Variants in TOGARAM1 observed in about 807,000 individuals in gnomAD.
TOGARAM1 encodes the protein TOG array regulator of axonemal microtubules 1.
In TOGARAM1, 100 loss-of-function variants were observed where a neutral mutation model predicts 166.6. That is an observed-to-expected ratio of 0.60 (90% CI 0.51 to 0.71). TOGARAM1 has a LOEUF of 0.71. Ranked by LOEUF, TOGARAM1 falls within the 30% of genes least tolerant of loss-of-function variation. The pLI is 0.00. For synonymous variants in TOGARAM1, 758 were observed against 763.8 expected, an observed-to-expected ratio of 0.99 and a Z score of 0.13; for missense variants, 2,029 against 2,102.7, an observed-to-expected ratio of 0.96 and a Z score of 0.69.
intron 3 of TOGARAM1, 148 bp downstream of exon 3, chr14:44,999,645 T>C (rs1236606218): frequency 4.7e-6 from 3 of 640,416 alleles, no homozygotes; most frequent in Non-Finnish European, 2.4e-6. Flanking sequence ...TTTTCATAAT[T>C]GTTACCCTAA....
At chr14:44,969,671 A>G (rs1425560064) in intron 1 of TOGARAM1, among the ~76,000 whole-genome samples, 1 of 152,180 alleles carries the variant, frequency 6.6e-6, no homozygotes, top group African/African-American at 2.4e-5. Flanking sequence ...TAGGCATTTT[A>G]TAGTTTTACA....
intron 13 of TOGARAM1, among the ~76,000 whole-genome samples, chr14:45,045,680 T>TACATATATAC (rs1327290758): frequency 7.2e-5 from 7 of 97,586 alleles, no homozygotes; most frequent in African/African-American, 4.7e-4. Context: ...TGTATATATA[T>TACATATATAC]ACACATATAT....
chr14:44,985,871 A>T (rs998144264), intron 1 of TOGARAM1, among the ~76,000 whole-genome samples: 4 of 152,244 alleles, frequency 2.6e-5, no homozygotes, highest in Non-Finnish European at 5.9e-5. Flanking sequence ...TCTTAATTAG[A>T]AATTGTTCAG....
chr14:45,072,325 G>A (rs370129993), intron 19 of TOGARAM1, among the ~76,000 whole-genome samples: 3 of 152,110 alleles, frequency 2.0e-5, no homozygotes, highest in Admixed American at 6.5e-5. Flanking sequence ...GTCTCAGGCC[G>A]GACTGGGTTG....
At chr14:45,011,118 C>T (rs1279973278) in intron 6 of TOGARAM1, among the ~76,000 whole-genome samples, 1 of 152,022 alleles carries the variant, frequency 6.6e-6, no homozygotes, top group Non-Finnish European at 1.5e-5. Flanking sequence ...AGTTGGCTTT[C>T]TTAATGAAAA....
chr14:44,976,252 A>G lies in TOGARAM1; in HGVS notation c.2046+11785A>G, dbSNP rs536073158. Among the ~76,000 whole-genome samples, 81 of 152,258 alleles carry G rather than the reference A, an allele frequency of 5.3e-4. No homozygotes were observed. In the South Asian group the frequency reaches 5.8e-3, roughly 11 times the overall value. On this transcript the variant is annotated intron_variant, in intron 1 of 19. Transcript: ENST00000361462. ...ATTGCCCTATCCTTATTCGTTGCCT[A>G]TCTACATTTAACCTATTGATTTTCT...
Position 45,027,413 on chromosome 14 carries a change from T to C in TOGARAM1, c.3443T>C (p.Ile1148Thr), listed in dbSNP as rs773546423. Residue 1148 changes from isoleucine (I) to threonine (T), a missense_variant, in exon 9 of 20, where the codon ATT (isoleucine) becomes ACT (threonine). By Grantham distance (89) the Ile-to-Thr change is moderately conservative. Around this residue, in one of 2 missense-constraint regions of TOGARAM1, gnomAD observed 1,453 missense variants for 1,432.2 expected, o/e 1.01. Transcript: ENST00000361462. ...CAAAGTATTGAACCACCATCAGGGATTTATGGAAGATCAGTCCAGCAAAAT... is the reference window on the plus strand; with the variant it reads ...CAAAGTATTGAACCACCATCAGGGACTTATGGAAGATCAGTCCAGCAAAAT... The part of the protein sequence containing the change: ...IKQSIEPPSG[I>T]YGRSVQQNIS... 1 of 1,613,610 alleles carries C rather than the reference T, an allele frequency of 6.2e-7. No individual in the cohort carries two copies. Among genetic ancestry groups the C allele is most frequent in the East Asian group, 2.2e-5 (1 of 44,822 alleles).
chr14:44,966,958 A>G (rs1885584317), intron 1 of TOGARAM1, among the ~76,000 whole-genome samples: 1 of 152,188 alleles, frequency 6.6e-6, no homozygotes, highest in South Asian at 2.1e-4. Context: ...CCAGACTCAA[A>G]AACAAAATAA....
intron 19 of TOGARAM1, among the ~76,000 whole-genome samples, chr14:45,072,676 C>T (rs1023422074): frequency 3.3e-5 from 5 of 152,070 alleles, no homozygotes; most frequent in Admixed American, 2.0e-4. Flanking sequence ...CCACCCACCT[C>T]GGCCTCTCAA....
At chr14:44,993,794 C>T (rs1288715231) in intron 1 of TOGARAM1, among the ~76,000 whole-genome samples, 1 of 152,172 alleles carries the variant, frequency 6.6e-6, no homozygotes, top group African/African-American at 2.4e-5. Flanking sequence ...CACACACCAC[C>T]ACCCTCATCA....
rs150480801 is a variant in TOGARAM1 at position 44,998,774 on chromosome 14, C to T, written c.2204-589C>T. Reference sequence around the variant, plus strand: ...TCATTTAATAGATGGATAAACTAAACGCCAGAGGAGTCATTACCACCTTTT... The same window carrying T: ...TCATTTAATAGATGGATAAACTAAATGCCAGAGGAGTCATTACCACCTTTT... On this transcript the variant is annotated intron_variant, in intron 2 of 19. Transcript: ENST00000361462. Among the ~76,000 whole-genome samples the T allele has an allele frequency of 2.7e-4, 41 of 152,180 alleles. No individual in the cohort carries two copies. In the East Asian group the frequency reaches 7.3e-3, roughly 27 times the overall value.
chr14:45,060,433 C>T (rs1472884677), intron 16 of TOGARAM1, among the ~76,000 whole-genome samples: 5 of 152,028 alleles, frequency 3.3e-5, no homozygotes, highest in Non-Finnish European at 5.9e-5. Flanking sequence ...CCAGACTGGT[C>T]TTGAACCCCT....
At chr14:45,062,454 T>G (rs1247124452) in intron 16 of TOGARAM1, among the ~76,000 whole-genome samples, 1 of 152,204 alleles carries the variant, frequency 6.6e-6, no homozygotes, top group Non-Finnish European at 1.5e-5. Context: ...TTGCATGGTA[T>G]GTCTTTCTTT....
At chr14:45,063,889 G>A (rs1357859191) in intron 16 of TOGARAM1, among the ~76,000 whole-genome samples, 1 of 152,052 alleles carries the variant, frequency 6.6e-6, no homozygotes, top group Non-Finnish European at 1.5e-5. Context: ...GTCTTAGCAA[G>A]GTATCCTGCT....
At position 45,044,513 on chromosome 14, in the gene TOGARAM1, C is replaced by T. The variant is rs1400038862; in HGVS notation, c.3919-122C>T. On this transcript the variant is annotated intron_variant, in intron 12 of 19. Transcript: ENST00000361462. ...CCGAAATCATGCTACTGCACTCCAG[C>T]CTGGTCGACAGAGCGAGACCCTAAC... The T allele has an allele frequency of 4.1e-5, 28 of 691,218 alleles. No individual in the cohort carries two copies. The Admixed American group carries it at 7.7e-4, about 19-fold the overall frequency. 42.8% of individuals were successfully genotyped at this position (691,218 alleles called of 1,614,324 possible).
intron 1 of TOGARAM1, among the ~76,000 whole-genome samples, chr14:44,973,253 A>G (rs1180773943): frequency 2.0e-5 from 3 of 151,078 alleles, no homozygotes; most frequent in African/African-American, 7.3e-5. Flanking sequence ...TTTTTTTTAA[A>G]TTACTTTTTT....
intron 1 of TOGARAM1, among the ~76,000 whole-genome samples, chr14:44,969,752 A>G (rs1328234823): frequency 6.6e-6 from 1 of 150,964 alleles, no homozygotes; most frequent in Non-Finnish European, 1.5e-5. Context: ...TTCTAGATTC[A>G]TTTTTTTTTA....
chr14:44,979,828 A>G lies in TOGARAM1; in HGVS notation c.2046+15361A>G, dbSNP rs1001999968. Reference sequence around the variant, plus strand: ...AGGTGAATGTGACCTGCTTCTTGACAGGAGCTAAGGCTTCAAATGGTCAGG... The same window carrying G: ...AGGTGAATGTGACCTGCTTCTTGACGGGAGCTAAGGCTTCAAATGGTCAGG... On this transcript the variant is annotated intron_variant, in intron 1 of 19. Transcript: ENST00000361462. Among the ~76,000 whole-genome samples the G allele has an allele frequency of 7.9e-5, 12 of 152,310 alleles. No individual in the cohort carries two copies. In the South Asian group the frequency reaches 1.5e-3, roughly 18 times the overall value.
chr14:45,068,725 G>A (rs2139007141), intron 18 of TOGARAM1, 82 bp downstream of exon 18: 1 of 997,954 alleles, frequency 1.0e-6, no homozygotes, highest in South Asian at 2.0e-5. Context: ...TTTTTGTAAT[G>A]CTGAAATCCT....
Sources: allele counts gnomAD v4.1 joint callset (sites outside exome capture counted in the v4.1 genomes callset), GRCh38; gene constraint gnomAD v4.1.1; regional missense constraint gnomAD v4.1.1; transcripts MANE v1.5; gene names NCBI Gene and HGNC (gene_info 2026-07-23, HGNC 2026-07-21).